HTR7: variants seen among roughly 807,000 people sequenced by gnomAD.
HTR7 encodes the protein 5-HT-7.
HTR7 carries 16 observed loss-of-function variants against 34.0 expected under a neutral mutation model. The ratio of observed to expected loss-of-function variants is 0.47; its 90% CI spans 0.32 to 0.71. HTR7 has a LOEUF of 0.71. Ranked by LOEUF, HTR7 falls within the 30% of genes least tolerant of loss-of-function variation. The probability of loss-of-function intolerance (pLI) is 0.04; values close to 1 mark genes in which losing one functional copy is unlikely to be tolerated. For missense variants in HTR7, 504 were observed against 625.5 expected (o/e 0.81, Z 2.07); for synonymous variants, 265 against 260.2 (o/e 1.02, Z -0.18).
At chr10:90,856,771 T>C (rs1846586764) in intron 1 of HTR7, among the ~76,000 whole-genome samples, 2 of 152,128 alleles carry the variant, frequency 1.3e-5, no homozygotes, top group Admixed American at 1.3e-4. Context: ...TTTTAATGAC[T>C]CTTTAAGGCT....
chr10:90,747,094 T>C (rs1844650823), intron 2 of HTR7, among the ~76,000 whole-genome samples: 1 of 152,236 alleles, frequency 6.6e-6, no homozygotes, highest in Non-Finnish European at 1.5e-5. Context: ...AGGGACTGTG[T>C]GAACATAGGT....
intron 1 of HTR7, among the ~76,000 whole-genome samples, chr10:90,844,726 C>CAAAAAAAA (rs71025328): frequency 1.3e-4 from 5 of 39,500 alleles, no homozygotes; most frequent in East Asian, 9.9e-4. Flanking sequence ...GACTCCGTCT[C>CAAAAAAAA]AAAAAAAAAA....
chr10:90,826,207 T>C (rs1472758503), intron 1 of HTR7, among the ~76,000 whole-genome samples: 2 of 151,994 alleles, frequency 1.3e-5, no homozygotes, highest in African/African-American at 2.4e-5. Flanking sequence ...ATATTTAAAA[T>C]ACTAAAGAAA....
chr10:90,841,772 G>A (rs1846332787), intron 1 of HTR7, among the ~76,000 whole-genome samples: 1 of 152,100 alleles, frequency 6.6e-6, no homozygotes, highest in African/African-American at 2.4e-5. Flanking sequence ...GGCCAAAGTT[G>A]GCTGATCACT....
chr10:90,830,282 T>C (rs1589471689), intron 1 of HTR7, among the ~76,000 whole-genome samples: 1 of 152,324 alleles, frequency 6.6e-6, no homozygotes, highest in African/African-American at 2.4e-5. Flanking sequence ...ACTCTGCAAT[T>C]ATTAAAGAAC....
chr10:90,754,690 C>T (rs960178825), intron 1 of HTR7, among the ~76,000 whole-genome samples: 1 of 152,074 alleles, frequency 6.6e-6, no homozygotes, highest in Non-Finnish European at 1.5e-5. Flanking sequence ...AGAGAGGGAT[C>T]GGAAGTAAAT....
chr10:90,857,718 C>A lies in HTR7; in HGVS notation c.-47G>T. 6 of 1,425,280 alleles carry A rather than the reference C, an allele frequency of 4.2e-6. No individual in the cohort carries two copies. Among genetic ancestry groups the A allele is most frequent in the Non-Finnish European group, 5.4e-6 (6 of 1,101,972 alleles). 88.3% of individuals were successfully genotyped at this position (1,425,280 alleles called of 1,614,324 possible). A position where few individuals can be genotyped will look rare whatever the true frequency, so the allele number is the denominator to read the frequency against. On this transcript the variant is annotated 5_prime_UTR_variant, in exon 1 of 4. Coordinates refer to ENST00000336152, the MANE Select transcript of HTR7 (RefSeq NM_019859.4). This position sits in a 1 kb window ranked among gnomAD's most constrained non-coding sequence, Gnocchi z 6.5. The stretch of plus-strand genomic sequence containing the variant: ...CCATGGAGCCGGCGCCCCGGCCACG[C>A]GCCTCCGGCTGCCGGCCCCGGGGCT...
chr10:90,787,083 T>C (rs1048549889), intron 1 of HTR7, among the ~76,000 whole-genome samples: 53 of 152,262 alleles, frequency 3.5e-4, no homozygotes, highest in Non-Finnish European at 6.6e-4. Context: ...CACACATCAC[T>C]CACTCAGGTA....
At chr10:90,791,158 T>C (rs556051323) in intron 1 of HTR7, among the ~76,000 whole-genome samples, 1 of 152,186 alleles carries the variant, frequency 6.6e-6, no homozygotes, top group South Asian at 2.1e-4. Context: ...CAGTAACTGT[T>C]ATAATTTCTA....
At chr10:90,778,479 G>T (rs1209007468) in intron 1 of HTR7, among the ~76,000 whole-genome samples, 1 of 152,158 alleles carries the variant, frequency 6.6e-6, no homozygotes, top group African/African-American at 2.4e-5. Flanking sequence ...GCCTTCACCA[G>T]ATGTGACCCC....
intron 1 of HTR7, among the ~76,000 whole-genome samples, chr10:90,756,354 G>C (rs992637463): frequency 6.6e-6 from 1 of 152,100 alleles, no homozygotes; most frequent in Non-Finnish European, 1.5e-5. Context: ...ATGTAAATCA[G>C]GTTTTTTTAA....
intron 1 of HTR7, among the ~76,000 whole-genome samples, chr10:90,818,376 T>A (rs1845929501): frequency 6.6e-6 from 1 of 152,070 alleles, no homozygotes; most frequent in South Asian, 2.1e-4. Context: ...TGAAATCCTG[T>A]CTCTACTGAA....
At chr10:90,762,740 T>G (rs555217846) in intron 1 of HTR7, among the ~76,000 whole-genome samples, 1 of 152,172 alleles carries the variant, frequency 6.6e-6, no homozygotes, top group African/African-American at 2.4e-5. Flanking sequence ...TTACCCGGTG[T>G]TTTCTTCTTG....
At chr10:90,788,662 A>G (rs1198203515) in intron 1 of HTR7, among the ~76,000 whole-genome samples, 2 of 152,206 alleles carry the variant, frequency 1.3e-5, no homozygotes, top group African/African-American at 4.8e-5. Context: ...CTCTACCTAT[A>G]CTTTGTTTAG....
intron 1 of HTR7, among the ~76,000 whole-genome samples, chr10:90,763,421 T>C (rs1011685124): frequency 1.1e-5 from 1 of 90,352 alleles, no homozygotes; most frequent in African/African-American, 5.1e-5. Flanking sequence ...GTTTTATTTC[T>C]TTTTTTATAA....
chr10:90,821,717 T>C (rs1845984309), intron 1 of HTR7, among the ~76,000 whole-genome samples: 1 of 152,124 alleles, frequency 6.6e-6, no homozygotes, highest in South Asian at 2.1e-4. Context: ...TCATGTTGAA[T>C]TGTAATCTTC....
intron 1 of HTR7, among the ~76,000 whole-genome samples, chr10:90,834,975 T>C (rs1188378246): frequency 6.6e-6 from 1 of 152,182 alleles, no homozygotes; most frequent in Non-Finnish European, 1.5e-5. Context: ...TATCGTCTCC[T>C]AGGAATTTTC....
chr10:90,829,228 T>C (rs1185313688), intron 1 of HTR7, among the ~76,000 whole-genome samples: 2 of 152,084 alleles, frequency 1.3e-5, no homozygotes, highest in South Asian at 4.1e-4. Context: ...CTCAAAAAAC[T>C]GAGTGTAGAA....
intron 2 of HTR7, among the ~76,000 whole-genome samples, chr10:90,746,075 C>A (rs1844628600): frequency 6.6e-6 from 1 of 152,136 alleles, no homozygotes; most frequent in African/African-American, 2.4e-5. Flanking sequence ...GGCTCAAATC[C>A]AGCTCTATCA....
Sources: gnomAD v4.1 joint callset for allele counts (sites outside exome capture counted in the v4.1 genomes callset) on GRCh38, gnomAD v4.1.1 for gene constraint, Gnocchi (gnomAD v3.1) non-coding constraint, MANE v1.5 for transcripts, NCBI Gene and HGNC (gene_info 2026-07-23, HGNC 2026-07-21) for gene names.